The following USH1C variants were observed in gnomAD, a reference collection of about 807,000 sequenced individuals.
USH1C encodes the protein USH1 protein network component harmonin.
A neutral mutation model predicts 119.3 loss-of-function variants in USH1C; 90 were observed. The observed-to-expected ratio is 0.75, with a 90% CI of 0.64 to 0.90. The LOEUF is 0.90. Among genes scored for constraint, USH1C ranks in the 40% least tolerant of loss-of-function variants. The pLI is 0.00. For synonymous variants in USH1C, 465 were observed against 443.3 expected (o/e 1.05, Z -0.62); for missense variants, 1,165 against 1,167.7 (o/e 1.00, Z 0.03).
At chr11:17,521,722 C>T (rs925765015) in intron 12 of USH1C, among the ~76,000 whole-genome samples, 3 of 152,332 alleles carry the variant, frequency 2.0e-5, no homozygotes, top group Middle Eastern at 3.4e-3. Context: ...CAGGCGGGGC[C>T]TGGACTGACC....
At chr11:17,527,073 T>C (rs774377368) in intron 5 of USH1C, 33 bp from the exon 6 acceptor site, 4 of 1,505,060 alleles carry the variant, frequency 2.7e-6, no homozygotes, top group African/African-American at 3.7e-5. Flanking sequence ...TTAGGACAGC[T>C]CCCCCGCCCT....
At chr11:17,538,898 G>A (rs1851335709) in intron 1 of USH1C, among the ~76,000 whole-genome samples, 1 of 152,154 alleles carries the variant, frequency 6.6e-6, no homozygotes, top group South Asian at 2.1e-4. Flanking sequence ...ACCTGTTCTG[G>A]TAACCTTCCC....
intron 18 of USH1C, 140 bp downstream of exon 18, chr11:17,509,216 C>A (rs556218531): frequency 4.9e-6 from 6 of 1,217,826 alleles, no homozygotes; most frequent in Non-Finnish European, 6.6e-6. Context: ...CACATGCACA[C>A]GGAGGGGGCA....
rs776777098 is a variant in USH1C at position 17,517,491 on chromosome 11, G to A, written c.1211-1201C>T. 32 of 1,576,992 alleles carry A rather than the reference G, an allele frequency of 2.0e-5. No individual in the cohort carries two copies. Among genetic ancestry groups the A allele is most frequent in the Non-Finnish European group, 2.7e-5 (31 of 1,160,244 alleles). On this transcript the variant is annotated intron_variant, in intron 14 of 26. Coordinates refer to ENST00000005226, the MANE Select transcript of USH1C (RefSeq NM_153676.4). ...CCTGATCATCTACCCAGGGAAAAGAGGAGGAAGCTGGTGAACCAAAAGGGA... is the reference window on the plus strand; with the variant it reads ...CCTGATCATCTACCCAGGGAAAAGAAGAGGAAGCTGGTGAACCAAAAGGGA...
At chr11:17,537,484 G>T (rs539488179) in intron 1 of USH1C, among the ~76,000 whole-genome samples, 5 of 152,318 alleles carry the variant, frequency 3.3e-5, no homozygotes, top group Admixed American at 3.3e-4. Flanking sequence ...AACTCTATTT[G>T]CTCTAGTCTA....
intron 17 of USH1C, 23 bp downstream of exon 17, chr11:17,510,382 T>C (rs766718815): frequency 1.9e-6 from 3 of 1,587,688 alleles, no homozygotes; most frequent in South Asian, 1.1e-5. Flanking sequence ...GGAGGGTCTA[T>C]GTGGAAAGAA....
intron 21 of USH1C, 124 bp downstream of exon 21, chr11:17,501,815 C>G: frequency 1.7e-6 from 2 of 1,159,756 alleles, no homozygotes; most frequent in East Asian, 4.7e-5. Context: ...ATCACTGGGG[C>G]TCCTCTGTGC....
chr11:17,494,181 A>G lies in USH1C; in HGVS notation c.*151T>C. 1 of 970,212 alleles carries G rather than the reference A, an allele frequency of 1.0e-6. No homozygotes were observed. The highest frequency in any genetic ancestry group is 1.6e-6 in the Non-Finnish European group (1 of 623,038). 60.1% of individuals were successfully genotyped at this position (970,212 alleles called of 1,614,324 possible). ...AGAAGAGTGGCCCGAGCTGTTCCTT[A>G]TCTGGCCCTGGTTCAGGGCCAAAGG... is the stretch of plus-strand genomic sequence containing the variant. On this transcript the variant is annotated 3_prime_UTR_variant, in exon 27 of 27. Transcript: ENST00000005226.
Position 17,501,166 on chromosome 11 carries a change from C to T in USH1C, c.2281-16G>A. ...AGGATCCCTCCTGGTTAGAGGAAAA[C>T]AGGCCTTAGGGAGCCAAGCAGACAG... is the stretch of plus-strand genomic sequence containing the variant. On this transcript the variant is annotated splice_polypyrimidine_tract_variant and intron_variant, in intron 22 of 26. Transcript: ENST00000005226. 1 of 1,606,062 alleles carries T rather than the reference C, an allele frequency of 6.2e-7. No individual in the cohort carries two copies.
chr11:17,513,650 AC>A (rs1226720579), intron 15 of USH1C, among the ~76,000 whole-genome samples: 15 of 152,078 alleles, frequency 9.9e-5, no homozygotes, highest in African/African-American at 3.1e-4. Context: ...TTCCTTGCCT[AC>A]CTTGTTCACT....
intron 14 of USH1C, among the ~76,000 whole-genome samples, chr11:17,520,659 T>C (rs533756459): frequency 6.6e-6 from 1 of 152,262 alleles, no homozygotes; most frequent in African/African-American, 2.4e-5. Context: ...GAGCTGGGTA[T>C]GTGGAGCTGG....
intron 19 of USH1C, 112 bp downstream of exon 19, chr11:17,505,718 T>C: frequency 6.7e-7 from 1 of 1,497,866 alleles, no homozygotes; most frequent in Non-Finnish European, 9.1e-7. Flanking sequence ...ATGGCATCTG[T>C]GATCTGCATT....
In USH1C at chr11:17,498,209, G is replaced by A. The variant is rs148477093; in HGVS notation, c.2443C>T (p.Leu815=). 1.3e-4 allele frequency: 211 copies of A among 1,614,214 alleles called. 1 individual carries two copies. In the African/African-American group the frequency reaches 2.4e-3, roughly 18 times the overall value. ...INGKIVTDYT[L]AEAEAALQKA... ...TGCAGGGCAGCCTCAGCCTCAGCCA[G>A]GGTGTAGTCTGTCACAATCTTGCCG... The change falls in exon 24 of 27, where the codon CTG becomes TTG. Residue 815 remains leucine (L), a synonymous_variant. Transcript: ENST00000005226.
chr11:17,525,859 C>T (rs1010069172), intron 8 of USH1C, among the ~76,000 whole-genome samples: 2 of 152,088 alleles, frequency 1.3e-5, no homozygotes, highest in Admixed American at 6.5e-5. Context: ...ACCCTCTGGC[C>T]CTAAAGGCCT....
At chr11:17,526,707 G>A (rs1436092376) in intron 7 of USH1C, 46 bp downstream of exon 7, 2 of 1,596,804 alleles carry the variant, frequency 1.3e-6, no homozygotes, top group Non-Finnish European at 1.7e-6. Context: ...ACCCCTCCTT[G>A]AAGATGACCC....
chr11:17,497,943 C>A (rs186794019), intron 24 of USH1C, among the ~76,000 whole-genome samples: 1 of 152,320 alleles, frequency 6.6e-6, no homozygotes, highest in Non-Finnish European at 1.5e-5. Flanking sequence ...AAGCCACTGG[C>A]TTTTTGGATC....
chr11:17,498,016 G>A, intron 24 of USH1C, 146 bp downstream of exon 24: 1 of 663,204 alleles, frequency 1.5e-6, no homozygotes, highest in Non-Finnish European at 2.7e-6. Context: ...ACCACAGGCT[G>A]GATGGGGTAT....
chr11:17,517,482 G>T, intron 14 of USH1C: 1 of 1,586,390 alleles, frequency 6.3e-7, no homozygotes, highest in South Asian at 1.2e-5. Context: ...CATCTACCCA[G>T]GGAAAAGAGG....
intron 11 of USH1C, 113 bp from the exon 12 acceptor site, chr11:17,523,039 G>A: frequency 6.3e-7 from 1 of 1,584,536 alleles, no homozygotes; most frequent in Non-Finnish European, 8.7e-7. Context: ...AGGCACTGCG[G>A]CTCCCGCAAT....
Sources: gnomAD v4.1 joint callset for allele counts (sites outside exome capture counted in the v4.1 genomes callset) on GRCh38, gnomAD v4.1.1 for gene constraint, MANE v1.5 for transcripts, NCBI Gene and HGNC (gene_info 2026-07-23, HGNC 2026-07-21) for gene names.